Variants in PPFIBP2 observed in about 807,000 individuals in gnomAD.
PPFIBP2 encodes liprin-beta-2.
A neutral mutation model predicts 118.3 loss-of-function variants in PPFIBP2; 118 were observed. That is an observed-to-expected ratio of 1.00 (90% CI 0.86 to 1.16). PPFIBP2 has a LOEUF of 1.16. Among genes scored for constraint, PPFIBP2 ranks in the 50% most tolerant of loss-of-function variants. The pLI, the probability that PPFIBP2 is intolerant of heterozygous loss-of-function variation, is 0.00. For synonymous variants in PPFIBP2, 414 were observed against 397.4 expected (o/e 1.04, Z -0.50); for missense variants, 1,195 against 1,073.1 (o/e 1.11, Z -1.59).
chr11:7,524,011 T>A (rs1257055629), intron 1 of PPFIBP2, among the ~76,000 whole-genome samples: 1 of 152,204 alleles, frequency 6.6e-6, no homozygotes, highest in Non-Finnish European at 1.5e-5. Context: ...GCACTGATTA[T>A]CCCAAGAGGC....
intron 2 of PPFIBP2, among the ~76,000 whole-genome samples, chr11:7,559,552 G>T (rs2134651155): frequency 6.6e-6 from 1 of 152,232 alleles, no homozygotes; most frequent in East Asian, 1.9e-4. Flanking sequence ...CTATACCAGT[G>T]GTATGCAGAG....
At chr11:7,574,533 ATAG>A (rs1193898191) in intron 3 of PPFIBP2, among the ~76,000 whole-genome samples, 14 of 152,236 alleles carry the variant, frequency 9.2e-5, no homozygotes, top group Non-Finnish European at 1.5e-4. Flanking sequence ...ATGAATACAA[ATAG>A]TAGTACTTTC....
chr11:7,520,319 G>A (rs533415604), intron 1 of PPFIBP2, among the ~76,000 whole-genome samples: 2 of 152,074 alleles, frequency 1.3e-5, no homozygotes, highest in Non-Finnish European at 2.9e-5. Flanking sequence ...GTGTCTTCCG[G>A]TTGGGGTGGG....
chr11:7,578,267 C>G (rs1019436691), intron 3 of PPFIBP2, among the ~76,000 whole-genome samples: 2 of 152,152 alleles, frequency 1.3e-5, no homozygotes, highest in African/African-American at 4.8e-5. Context: ...AGAATTCAGG[C>G]TGTTTCCTCT....
Position 7,521,152 on chromosome 11 carries a change from CCTCT to C in PPFIBP2, c.-37+7036_-37+7039del, listed in dbSNP as rs1022234906. ...TCCCTGGTTATTCTTACTTTCACTT[CCTCT>C]CTCTGTCATGTTCATATGTACACAT... On this transcript the variant is annotated intron_variant, in intron 1 of 23. Coordinates refer to ENST00000299492, the MANE Select transcript of PPFIBP2 (RefSeq NM_003621.5). Among the ~76,000 whole-genome samples, 36 of 152,208 alleles carry C rather than the reference CCTCT, an allele frequency of 2.4e-4. 1 individual carries two copies. Among genetic ancestry groups the C allele is most frequent in the Non-Finnish European group, 4.6e-4 (31 of 68,034 alleles).
chr11:7,639,783 T>C lies in PPFIBP2; in HGVS notation c.1288T>C (p.Ser430Pro). Residue 430 changes from serine to proline, a missense_variant, in exon 15 of 24, where the codon TCA becomes CCA. Coordinates refer to ENST00000299492, the MANE Select transcript of PPFIBP2 (RefSeq NM_003621.5). The stretch of plus-strand genomic sequence containing the variant: ...ATATCCCACTTTACCTGGGAAGCTT[T>C]CAGGAGCCACGCCCAATGGAGAGGC... Reference protein sequence around the residue: ...HKYPTLPGKLSGATPNGEAAK... With the variant: ...HKYPTLPGKLPGATPNGEAAK... 6.2e-7 allele frequency: 1 copy of C among 1,614,156 alleles called. No homozygotes were observed. Among genetic ancestry groups the C allele is most frequent in the South Asian group, 1.1e-5 (1 of 91,076 alleles).
chr11:7,545,231 C>G (rs147567863), intron 1 of PPFIBP2, among the ~76,000 whole-genome samples: 3,297 of 152,208 alleles, frequency 0.022, 102 homozygotes, highest in African/African-American at 0.075. Context: ...GAGTTCAAGA[C>G]CAGCCTGGCC....
intron 2 of PPFIBP2, among the ~76,000 whole-genome samples, chr11:7,555,172 T>C (rs1166266307): frequency 1.3e-5 from 2 of 152,186 alleles, no homozygotes; most frequent in Non-Finnish European, 2.9e-5. Context: ...AGGCCACTTC[T>C]GGCAGGGGAC....
In PPFIBP2 at chr11:7,629,386, C is replaced by T. The variant is rs776982165; in HGVS notation, c.889-73C>T. The T allele has an allele frequency of 8.5e-5, 120 of 1,405,920 alleles. No individual in the cohort carries two copies. In the Middle Eastern group the frequency reaches 3.0e-3, roughly 35 times the overall value. The allele number at this position is 1,405,920 out of a possible 1,614,324, so 87.1% of individuals were successfully genotyped here. ...TCTTCTCCTTGTGCCAAGAACATAG[C>T]GTGGGTTCCAAAATGAAATCATCTG... On this transcript the variant is annotated intron_variant, in intron 9 of 23. Transcript: ENST00000299492.
downstream of PPFIBP2, chr11:7,656,839 G>A (rs948707105): frequency 4.7e-6 from 6 of 1,277,878 alleles, no homozygotes; most frequent in African/African-American, 6.1e-5. Context: ...ATGTGTGGGG[G>A]CCCCGGAGCC....
chr11:7,656,963 C>T, downstream of PPFIBP2: 1 of 427,002 alleles, frequency 2.3e-6, no homozygotes. Context: ...GACAGGTGTC[C>T]AGGGGTGGCC....
At chr11:7,651,976 G>A in intron 23 of PPFIBP2, 132 bp downstream of exon 23, 1 of 878,718 alleles carries the variant, frequency 1.1e-6, no homozygotes, top group Non-Finnish European at 1.7e-6. Context: ...AGCTTCTGCT[G>A]TGGGCTTGTG....
At chr11:7,552,759 C>G (rs765527985) in intron 2 of PPFIBP2, among the ~76,000 whole-genome samples, 15 of 152,222 alleles carry the variant, frequency 9.9e-5, no homozygotes, top group African/African-American at 3.4e-4. Flanking sequence ...AGCTTGCCCC[C>G]CCCTCTCCTG....
intron 7 of PPFIBP2, among the ~76,000 whole-genome samples, chr11:7,621,746 G>A (rs1015700071): frequency 6.6e-6 from 1 of 152,194 alleles, no homozygotes; most frequent in Non-Finnish European, 1.5e-5. Context: ...TTTCCTTTGG[G>A]AGTATGGGGA....
chr11:7,648,718 C>A, intron 18 of PPFIBP2, 82 bp from the exon 19 acceptor site: 1 of 1,444,534 alleles, frequency 6.9e-7, no homozygotes, highest in Non-Finnish European at 9.7e-7. Flanking sequence ...ATACTCAGAG[C>A]ATCTCCACCC....
At chr11:7,663,694 C>A in the PPFIBP2 span, among the ~76,000 whole-genome samples, 1 of 152,194 alleles carries the variant, frequency 6.6e-6, no homozygotes, top group African/African-American at 2.4e-5. Context: ...AGCTTCCCGG[C>A]TGCTTTGTTT....
chr11:7,662,505 G>A, the PPFIBP2 span, among the ~76,000 whole-genome samples: 3 of 151,686 alleles, frequency 2.0e-5, no homozygotes, highest in Admixed American at 2.0e-4. Flanking sequence ...TAGGGTTTCT[G>A]CTGAGAGATC....
chr11:7,528,192 T>C (rs1401260864), intron 1 of PPFIBP2, among the ~76,000 whole-genome samples: 1 of 152,186 alleles, frequency 6.6e-6, no homozygotes, highest in East Asian at 1.9e-4. Flanking sequence ...GATGGTCAGA[T>C]GGCACATGGC....
chr11:7,545,366 G>C (rs1852218673), intron 1 of PPFIBP2, among the ~76,000 whole-genome samples: 2 of 152,196 alleles, frequency 1.3e-5, no homozygotes, highest in Non-Finnish European at 2.9e-5. Flanking sequence ...GAAGGTGCAG[G>C]TTGCAGTGAG....
Sources: gnomAD v4.1 joint callset for allele counts (sites outside exome capture counted in the v4.1 genomes callset) on GRCh38, gnomAD v4.1.1 for gene constraint, MANE v1.5 for transcripts, NCBI Gene and HGNC (gene_info 2026-07-23, HGNC 2026-07-21) for gene names.